YWHAE: variants seen among roughly 807,000 people sequenced by gnomAD.
YWHAE encodes the protein 14-3-3 protein epsilon.
In YWHAE, 4 loss-of-function variants were observed where a neutral mutation model predicts 30.1. The observed-to-expected ratio is 0.13, with a 90% CI of 0.07 to 0.30. The LOEUF (loss-of-function observed/expected upper bound fraction) is 0.30, where lower values mean the gene tolerates loss of function less well. Among genes scored for constraint, YWHAE ranks in the 10% least tolerant of loss-of-function variants. YWHAE has a pLI of 1.00. For synonymous variants in YWHAE, 118 were observed against 111.8 expected (o/e 1.06, Z -0.35); for missense variants, 121 against 315.9 (o/e 0.38, Z 4.68).
chr17:1,351,402 C>T (rs2072629560), intron 5 of YWHAE, among the ~76,000 whole-genome samples: 1 of 151,656 alleles, frequency 6.6e-6, no homozygotes, highest in South Asian at 2.1e-4. Flanking sequence ...AAAACACACA[C>T]ACAGAAAAAA....
chr17:1,400,134 C>A lies in YWHAE; in HGVS notation c.-24G>T, dbSNP rs1284178970. Reference sequence around the variant, plus strand: ...ATAGCGGCAGCGGCTCCGGCAGGGTCTGCGCGACGGATGGAAGCGGATAGT... The same window carrying A: ...ATAGCGGCAGCGGCTCCGGCAGGGTATGCGCGACGGATGGAAGCGGATAGT... On this transcript the variant is annotated 5_prime_UTR_variant, in exon 1 of 6. Coordinates refer to ENST00000264335, the MANE Select transcript of YWHAE (RefSeq NM_006761.5). 3 of 1,613,932 alleles carry A rather than the reference C, an allele frequency of 1.9e-6. No homozygotes were observed. Among genetic ancestry groups the A allele is most frequent in the East Asian group, 2.2e-5 (1 of 44,880 alleles).
chr17:1,376,806 A>G (rs1287380702), intron 1 of YWHAE, among the ~76,000 whole-genome samples: 1 of 152,204 alleles, frequency 6.6e-6, no homozygotes. Flanking sequence ...GCTCCTAATG[A>G]AATTCAGGGT....
At chr17:1,370,303 G>C (rs1169271020) in intron 1 of YWHAE, among the ~76,000 whole-genome samples, 1 of 150,688 alleles carries the variant, frequency 6.6e-6, no homozygotes, top group Non-Finnish European at 1.5e-5. Flanking sequence ...ATTTTTTTGT[G>C]TGTATTTTTA....
intron 1 of YWHAE, among the ~76,000 whole-genome samples, chr17:1,390,266 G>A (rs998793366): frequency 6.6e-6 from 1 of 152,132 alleles, no homozygotes; most frequent in Non-Finnish European, 1.5e-5. Flanking sequence ...AGCTCAACAT[G>A]ACAAAATTAT....
intron 1 of YWHAE, among the ~76,000 whole-genome samples, chr17:1,385,168 A>T (rs768750168): frequency 1.5e-4 from 23 of 151,532 alleles, no homozygotes; most frequent in Non-Finnish European, 2.8e-4. Flanking sequence ...AAAAAAGTAA[A>T]GATAAAATGA....
chr17:1,380,327 G>T (rs1452992778), intron 1 of YWHAE, among the ~76,000 whole-genome samples: 1 of 152,024 alleles, frequency 6.6e-6, no homozygotes, highest in African/African-American at 2.4e-5. Flanking sequence ...GACCAGGATG[G>T]TCTCGAACTC....
At chr17:1,358,829 T>TAAAA (rs35681702) in intron 4 of YWHAE, among the ~76,000 whole-genome samples, 15 of 111,342 alleles carry the variant, frequency 1.3e-4, no homozygotes, top group Non-Finnish European at 1.6e-4. Context: ...GACTCCATCT[T>TAAAA]AAAAAAAAAA....
chr17:1,386,601 C>T (rs2073303363), intron 1 of YWHAE, among the ~76,000 whole-genome samples: 1 of 152,196 alleles, frequency 6.6e-6, no homozygotes, highest in African/African-American at 2.4e-5. Flanking sequence ...CACTCAAGGA[C>T]AACTTTTACT....
At chr17:1,347,439 G>A (rs1229482684) in intron 5 of YWHAE, among the ~76,000 whole-genome samples, 1 of 151,576 alleles carries the variant, frequency 6.6e-6, no homozygotes, top group African/African-American at 2.4e-5. Flanking sequence ...AGCTTTGAAC[G>A]CCACTGCACT....
intron 1 of YWHAE, among the ~76,000 whole-genome samples, chr17:1,397,877 AC>A (rs2073498223): frequency 6.6e-6 from 1 of 151,942 alleles, no homozygotes; most frequent in South Asian, 2.1e-4. Flanking sequence ...CTATTTCCTT[AC>A]CCCTTTAGAT....
chr17:1,364,738 A>G (rs905001182), intron 2 of YWHAE, 121 bp downstream of exon 2: 3 of 1,225,794 alleles, frequency 2.4e-6, no homozygotes, highest in African/African-American at 1.5e-5. Flanking sequence ...CAGAAACATT[A>G]TAACATACTG....
At chr17:1,362,823 C>T (rs1156328514) in intron 2 of YWHAE, among the ~76,000 whole-genome samples, 2 of 152,070 alleles carry the variant, frequency 1.3e-5, no homozygotes, top group African/African-American at 4.8e-5. Context: ...TCTGAATAAA[C>T]GACATCCCTG....
intron 5 of YWHAE, among the ~76,000 whole-genome samples, chr17:1,351,508 C>T (rs1221600282): frequency 2.6e-5 from 4 of 152,108 alleles, no homozygotes; most frequent in African/African-American, 4.8e-5. Context: ...GTCAATCCCG[C>T]GCCCCAAACT....
intron 1 of YWHAE, among the ~76,000 whole-genome samples, chr17:1,394,555 A>T (rs985248058): frequency 3.3e-5 from 5 of 151,718 alleles, no homozygotes; most frequent in Admixed American, 1.3e-4. Context: ...GCAGTAAGCT[A>T]TAATGGCGAC....
In YWHAE at chr17:1,394,419, T is replaced by C. The variant is rs193237905; in HGVS notation, c.64+5628A>G. Among the ~76,000 whole-genome samples the C allele has an allele frequency of 2.8e-4, 25 of 88,352 alleles. 1 individual carries two copies. The highest frequency in any genetic ancestry group is 1.1e-3 in the South Asian group (3 of 2,762). The allele number at this position is 88,352 out of a possible 152,430, so 58.0% of individuals were successfully genotyped here. A position where few individuals can be genotyped will look rare whatever the true frequency, so the allele number is the denominator to read the frequency against. ...GAATTCAAGACCAGCCTGGGCAACATAGAGACCTCAAATCCACAAAAAAAA... is the reference window on the plus strand; with the variant it reads ...GAATTCAAGACCAGCCTGGGCAACACAGAGACCTCAAATCCACAAAAAAAA... On this transcript the variant is annotated intron_variant, in intron 1 of 5. Coordinates refer to ENST00000264335, the MANE Select transcript of YWHAE (RefSeq NM_006761.5).
intron 1 of YWHAE, among the ~76,000 whole-genome samples, chr17:1,397,866 C>A (rs1272865006): frequency 1.3e-5 from 2 of 152,166 alleles, no homozygotes; most frequent in Admixed American, 1.3e-4. Context: ...CCTTGTAGAT[C>A]CTATTTCCTT....
intron 4 of YWHAE, among the ~76,000 whole-genome samples, chr17:1,356,178 A>ACACT (rs1381152549): frequency 2.9e-5 from 1 of 34,346 alleles, no homozygotes; most frequent in Non-Finnish European, 4.4e-5. Context: ...AAAAACACAC[A>ACACT]CACACACACA....
At chr17:1,345,587 A>G in intron 5 of YWHAE, 88 bp from the exon 6 acceptor site, 1 of 1,374,980 alleles carries the variant, frequency 7.3e-7, no homozygotes, top group East Asian at 2.3e-5. Flanking sequence ...CCAAGCATAA[A>G]GACTCTTCTA....
At chr17:1,381,265 A>C (rs1344695174) in intron 1 of YWHAE, among the ~76,000 whole-genome samples, 2 of 152,096 alleles carry the variant, frequency 1.3e-5, no homozygotes. Context: ...CTGTAATCCC[A>C]GCACTTTTGG....
Sources: allele counts gnomAD v4.1 joint callset (sites outside exome capture counted in the v4.1 genomes callset), GRCh38; gene constraint gnomAD v4.1.1; transcripts MANE v1.5; gene names NCBI Gene and HGNC (gene_info 2026-07-23, HGNC 2026-07-21).